C9: variants seen among roughly 807,000 people sequenced by gnomAD.
C9 encodes complement C9.
Under a neutral mutation model 65.4 loss-of-function variants are expected in C9, and 63 were observed. The ratio of observed to expected loss-of-function variants is 0.96; its 90% CI spans 0.79 to 1.19. The LOEUF is 1.19. Ranked by LOEUF, C9 falls within the 50% of genes most tolerant of loss-of-function variation. C9 has a pLI of 0.00. For synonymous variants in C9, 229 were observed against 227.9 expected, an observed-to-expected ratio of 1.00 and a Z score of -0.04; for missense variants, 744 against 670.1, an observed-to-expected ratio of 1.11 and a Z score of -1.22.
chr5:39,305,328 G>C (rs574967161), intron 9 of C9, among the ~76,000 whole-genome samples: 1 of 152,138 alleles, frequency 6.6e-6, no homozygotes, highest in African/African-American at 2.4e-5. Context: ...AGGGAGAATA[G>C]ATTATAAAAA....
In C9 at chr5:39,289,062, T is replaced by C. The variant is rs549155378; in HGVS notation, c.1417-111A>G. On this transcript the variant is annotated intron_variant, in intron 9 of 10. Transcript: ENST00000263408. ...GATTCATTAATTCAACAAAGACTTA[T>C]TGAATGTATAGTATTGCCAGATGTG... 2.8e-4 allele frequency: 204 copies of C among 721,100 alleles called. 3 individuals carry two copies. The African/African-American group carries it at 3.3e-3, about 12-fold the overall frequency. 44.7% of individuals were successfully genotyped at this position (721,100 alleles called of 1,614,324 possible).
chr5:39,344,306 C>T (rs1754147009), intron 1 of C9, among the ~76,000 whole-genome samples: 1 of 152,154 alleles, frequency 6.6e-6, no homozygotes, highest in Non-Finnish European at 1.5e-5. Context: ...ACTAGAATAA[C>T]CACTGTAGAG....
chr5:39,350,661 T>G (rs1754306244), intron 1 of C9, among the ~76,000 whole-genome samples: 1 of 152,164 alleles, frequency 6.6e-6, no homozygotes, highest in African/African-American at 2.4e-5. Flanking sequence ...CATTAAATCT[T>G]AAAGCTCCAA....
chr5:39,320,987 G>T (rs1753657054), intron 5 of C9, among the ~76,000 whole-genome samples: 1 of 152,078 alleles, frequency 6.6e-6, no homozygotes, highest in African/African-American at 2.4e-5. Flanking sequence ...AAAAGCTGTG[G>T]AAGTTCATTA....
chr5:39,291,424 A>T (rs1419325153), intron 9 of C9, among the ~76,000 whole-genome samples: 1 of 151,804 alleles, frequency 6.6e-6, no homozygotes, highest in East Asian at 1.9e-4. Flanking sequence ...AGGGAAGGAA[A>T]CATAAGTGAT....
At chr5:39,301,322 A>G (rs768021542) in intron 9 of C9, among the ~76,000 whole-genome samples, 7 of 152,106 alleles carry the variant, frequency 4.6e-5, no homozygotes, top group Non-Finnish European at 8.8e-5. Flanking sequence ...CTGAAGACCT[A>G]TAACAGATTG....
intron 4 of C9, among the ~76,000 whole-genome samples, chr5:39,338,945 A>G (rs1469605712): frequency 2.0e-5 from 3 of 152,224 alleles, no homozygotes; most frequent in East Asian, 3.8e-4. Context: ...TTCTTTTCCT[A>G]TAAGACAAAC....
At chr5:39,334,183 C>T (rs1417769609) in intron 4 of C9, among the ~76,000 whole-genome samples, 2 of 151,610 alleles carry the variant, frequency 1.3e-5, no homozygotes, top group African/African-American at 4.9e-5. Flanking sequence ...CTCTTCCCGG[C>T]CGCCATCCCA....
chr5:39,335,137 A>G (rs1220269421), intron 4 of C9, among the ~76,000 whole-genome samples: 1 of 152,190 alleles, frequency 6.6e-6, no homozygotes, highest in Non-Finnish European at 1.5e-5. Context: ...TCTTTATATG[A>G]TAGTGAACTA....
At chr5:39,319,123 A>G (rs1399319181) in intron 5 of C9, among the ~76,000 whole-genome samples, 1 of 152,018 alleles carries the variant, frequency 6.6e-6, no homozygotes, top group East Asian at 1.9e-4. Context: ...CCTCAGGTTG[A>G]TTAATTCCCA....
intron 9 of C9, among the ~76,000 whole-genome samples, chr5:39,305,704 AT>A (rs887759172): frequency 6.6e-5 from 10 of 151,462 alleles, no homozygotes; most frequent in Non-Finnish European, 1.2e-4. Context: ...ATGATAACAC[AT>A]TTTTTTTTGT....
intron 5 of C9, among the ~76,000 whole-genome samples, chr5:39,323,989 A>C (rs773488515): frequency 2.0e-5 from 3 of 152,174 alleles, no homozygotes; most frequent in Non-Finnish European, 2.9e-5. Context: ...CAAAATCAAC[A>C]TGCAAAAGTC....
intron 1 of C9, among the ~76,000 whole-genome samples, chr5:39,356,343 C>A (rs1364862357): frequency 6.6e-6 from 1 of 152,190 alleles, no homozygotes; most frequent in Admixed American, 6.5e-5. Context: ...TTCCCCCAAA[C>A]CTAAATCCTC....
intron 9 of C9, among the ~76,000 whole-genome samples, chr5:39,290,461 ACAAAC>A (rs1281134269): frequency 3.3e-5 from 5 of 151,458 alleles, no homozygotes. Flanking sequence ...GCTAAAACAA[ACAAAC>A]AAACAAACAA....
intron 4 of C9, among the ~76,000 whole-genome samples, chr5:39,340,580 G>T (rs1754058385): frequency 6.6e-6 from 1 of 152,274 alleles, no homozygotes; most frequent in East Asian, 1.9e-4. Flanking sequence ...AGAGCCCCTA[G>T]GTTTTGTATG....
intron 5 of C9, among the ~76,000 whole-genome samples, chr5:39,318,606 G>C (rs1753613915): frequency 6.6e-6 from 1 of 151,382 alleles, no homozygotes; most frequent in East Asian, 1.9e-4. Context: ...TTGTCAGTGA[G>C]AGACTTGTTA....
chr5:39,332,463 T>C (rs1420492372), intron 4 of C9, among the ~76,000 whole-genome samples: 1 of 152,254 alleles, frequency 6.6e-6, no homozygotes, highest in East Asian at 1.9e-4. Flanking sequence ...TTGGCAAGCT[T>C]TCATTCATAA....
At position 39,352,654 on chromosome 5, in the gene C9, T is replaced by C. The variant is rs185317079; in HGVS notation, c.78-10458A>G. ...AAACCCATCCATTCTCTTCATCTCT[T>C]TCAGATGTTTTTCTTGTCTACACCA... On this transcript the variant is annotated intron_variant, in intron 1 of 10. Coordinates refer to ENST00000263408, the MANE Select transcript of C9 (RefSeq NM_001737.5). 1.6e-4 allele frequency among the ~76,000 whole-genome samples: 24 copies of C among 152,270 alleles called. No homozygotes were observed. In the East Asian group the frequency reaches 4.4e-3, roughly 28 times the overall value.
At chr5:39,333,252 C>T (rs186272569) in intron 4 of C9, among the ~76,000 whole-genome samples, 39 of 152,284 alleles carry the variant, frequency 2.6e-4, no homozygotes, top group African/African-American at 8.4e-4. Flanking sequence ...ACCTCATCAC[C>T]GGCAAAGTAT....
Sources: allele counts gnomAD v4.1 joint callset (sites outside exome capture counted in the v4.1 genomes callset), GRCh38; gene constraint gnomAD v4.1.1; transcripts MANE v1.5; gene names NCBI Gene and HGNC (gene_info 2026-07-23, HGNC 2026-07-21).